Variants in PLCXD3 observed in about 807,000 individuals in gnomAD.
PLCXD3 encodes phosphatidylinositol specific phospholipase C X domain containing 3.
Under a neutral mutation model 25.5 loss-of-function variants are expected in PLCXD3, and 19 were observed. The ratio of observed to expected loss-of-function variants is 0.75; its 90% confidence interval spans 0.52 to 1.09. PLCXD3 has a LOEUF of 1.09. Ranked by LOEUF, PLCXD3 falls within the 50% of genes least tolerant of loss-of-function variation. The pLI, the probability that PLCXD3 is intolerant of heterozygous loss-of-function variation, is 0.00. For missense variants in PLCXD3, 411 were observed against 388.1 expected, an observed-to-expected ratio of 1.06 and a Z score of -0.50; for synonymous variants, 174 against 137.6, an observed-to-expected ratio of 1.26 and a Z score of -1.85.
At chr5:41,339,829 A>G (rs1419227033) in intron 2 of PLCXD3, among the ~76,000 whole-genome samples, 1 of 152,158 alleles carries the variant, frequency 6.6e-6, no homozygotes, top group East Asian at 1.9e-4. Context: ...AAAAAGATGA[A>G]TTAAAATGCT....
At chr5:41,398,420 C>A (rs546754940) in intron 1 of PLCXD3, among the ~76,000 whole-genome samples, 85 of 152,224 alleles carry the variant, frequency 5.6e-4, no homozygotes, top group African/African-American at 2.0e-3. Flanking sequence ...GGCCTCCAAG[C>A]CATGCTTCCT....
At chr5:41,364,025 G>A (rs1165268444) in intron 2 of PLCXD3, among the ~76,000 whole-genome samples, 1 of 152,154 alleles carries the variant, frequency 6.6e-6, no homozygotes, top group Non-Finnish European at 1.5e-5. Context: ...TTTTTGTGCA[G>A]TGGCAGCTCT....
rs138663245 is a variant in PLCXD3, at chr5:41,444,552, A to G, written c.104-62018T>C. On this transcript the variant is annotated intron_variant, in intron 1 of 2. Transcript: ENST00000377801. ...TCCCAATTCTTATTTTGTCCCCACC[A>G]CTTAAACAAATGATTCAGGTCCTGT... Among the ~76,000 whole-genome samples the G allele has an allele frequency of 1.8e-3, 275 of 152,278 alleles. 2 individuals carry two copies. The highest frequency in any genetic ancestry group is 6.4e-3 in the African/African-American group (266 of 41,554).
chr5:41,418,435 A>G (rs1746741903), intron 1 of PLCXD3, among the ~76,000 whole-genome samples: 1 of 152,180 alleles, frequency 6.6e-6, no homozygotes, highest in African/African-American at 2.4e-5. Context: ...ACACAGCCTT[A>G]TGTGAAAGCA....
intron 1 of PLCXD3, among the ~76,000 whole-genome samples, chr5:41,438,386 G>T (rs1020315832): frequency 6.6e-6 from 1 of 152,084 alleles, no homozygotes; most frequent in Admixed American, 6.6e-5. Context: ...TGAAAAACCG[G>T]ACTGCTGGCC....
intron 2 of PLCXD3, among the ~76,000 whole-genome samples, chr5:41,323,077 A>G (rs1245182899): frequency 6.6e-6 from 1 of 152,224 alleles, no homozygotes; most frequent in Non-Finnish European, 1.5e-5. Flanking sequence ...AACGACATGC[A>G]TGGAACTGGA....
chr5:41,361,042 G>A lies in PLCXD3; in HGVS notation c.812+20784C>T, dbSNP rs143309794. 3.6e-4 allele frequency among the ~76,000 whole-genome samples: 54 copies of A among 152,112 alleles called. No homozygotes were observed. The East Asian group carries it at 6.2e-3, about 18-fold the overall frequency. ...ACCAAGTGGGGGCAGGGATAGATATGTCTGAGCTCAGACTCTCCATGGGTG... is the reference window on the plus strand; with the variant it reads ...ACCAAGTGGGGGCAGGGATAGATATATCTGAGCTCAGACTCTCCATGGGTG... On this transcript the variant is annotated intron_variant, in intron 2 of 2. Coordinates refer to ENST00000377801, the MANE Select transcript of PLCXD3 (RefSeq NM_001005473.3).
At position 41,426,983 on chromosome 5, in the gene PLCXD3, T is replaced by G. The variant is rs577593664; in HGVS notation, c.104-44449A>C. Reference sequence around the variant, plus strand: ...TCTGATCACTAATGATTTTGAGAATTCTGCTAATTGATTTTATTCTTTATA... The same window carrying G: ...TCTGATCACTAATGATTTTGAGAATGCTGCTAATTGATTTTATTCTTTATA... On this transcript the variant is annotated intron_variant, in intron 1 of 2. Coordinates refer to ENST00000377801, the MANE Select transcript of PLCXD3 (RefSeq NM_001005473.3). Among the ~76,000 whole-genome samples, 7 of 152,308 alleles carry G rather than the reference T, an allele frequency of 4.6e-5. No homozygotes were observed. The East Asian group carries it at 1.3e-3, about 29-fold the overall frequency.
At chr5:41,338,224 T>C (rs1744038358) in intron 2 of PLCXD3, among the ~76,000 whole-genome samples, 1 of 152,126 alleles carries the variant, frequency 6.6e-6, no homozygotes, top group Non-Finnish European at 1.5e-5. Flanking sequence ...CATGAGAGAT[T>C]AAAGATGTGC....
intron 1 of PLCXD3, among the ~76,000 whole-genome samples, chr5:41,457,652 G>C (rs1481602400): frequency 6.6e-6 from 1 of 151,838 alleles, no homozygotes; most frequent in African/African-American, 2.4e-5. Context: ...TATTCAGAAT[G>C]GTGCCCCTTA....
chr5:41,354,172 T>G (rs1744553227), intron 2 of PLCXD3, among the ~76,000 whole-genome samples: 1 of 152,210 alleles, frequency 6.6e-6, no homozygotes, highest in African/African-American at 2.4e-5. Context: ...TTCCTATAGC[T>G]TTAATTCCCA....
At chr5:41,478,365 G>A (rs1381771103) in intron 1 of PLCXD3, among the ~76,000 whole-genome samples, 1 of 152,024 alleles carries the variant, frequency 6.6e-6, no homozygotes, top group African/African-American at 2.4e-5. Context: ...CAAATATTTG[G>A]TCCCTTACCA....
intron 1 of PLCXD3, among the ~76,000 whole-genome samples, chr5:41,478,209 T>C (rs1256206346): frequency 2.0e-5 from 3 of 152,200 alleles, no homozygotes; most frequent in African/African-American, 7.2e-5. Context: ...TGTTAGAGAG[T>C]TGATCTTTAG....
Position 41,478,646 on chromosome 5 carries a change from C to T in PLCXD3, c.103+31778G>A, listed in dbSNP as rs76270495. ...TTAAGAATGATTACAATCAACTTAG[C>T]TAAATCACTCTTCAGCTAATGGAAA... On this transcript the variant is annotated intron_variant, in intron 1 of 2. Transcript: ENST00000377801. Among the ~76,000 whole-genome samples the T allele has an allele frequency of 4.5e-3, 686 of 152,248 alleles. 9 individuals carry two copies. Among genetic ancestry groups the T allele is most frequent in the African/African-American group, 0.016 (655 of 41,558 alleles).
chr5:41,314,594 G>A (rs1453939193), intron 2 of PLCXD3, among the ~76,000 whole-genome samples: 1 of 152,112 alleles, frequency 6.6e-6, no homozygotes, highest in Admixed American at 6.6e-5. Flanking sequence ...AGGGACATTT[G>A]TGCAAAGGTT....
At chr5:41,333,108 TATAAA>T (rs1389700882) in intron 2 of PLCXD3, among the ~76,000 whole-genome samples, 5 of 151,422 alleles carry the variant, frequency 3.3e-5, no homozygotes, top group Non-Finnish European at 7.4e-5. Context: ...AATAAAATAA[TATAAA>T]ATAAAAGACA....
At chr5:41,358,824 C>T (rs879790115) in intron 2 of PLCXD3, among the ~76,000 whole-genome samples, 54 of 152,182 alleles carry the variant, frequency 3.5e-4, no homozygotes, top group African/African-American at 7.2e-5. Context: ...TTCAACTTTT[C>T]CCTGTTTAAT....
intron 2 of PLCXD3, among the ~76,000 whole-genome samples, chr5:41,365,038 A>G (rs1744895618): frequency 6.6e-6 from 1 of 152,146 alleles, no homozygotes; most frequent in South Asian, 2.1e-4. Context: ...TTTCTCTCTT[A>G]TGTACATCTG....
At chr5:41,412,714 C>T (rs953327972) in intron 1 of PLCXD3, among the ~76,000 whole-genome samples, 6 of 152,222 alleles carry the variant, frequency 3.9e-5, no homozygotes, top group Non-Finnish European at 7.3e-5. Context: ...GTGTCAGCCT[C>T]TACTTCTTAT....
Sources: gnomAD v4.1 joint callset for allele counts (sites outside exome capture counted in the v4.1 genomes callset) on GRCh38, gnomAD v4.1.1 for gene constraint, MANE v1.5 for transcripts, NCBI Gene and HGNC (gene_info 2026-07-23, HGNC 2026-07-21) for gene names.